Variants in HIVEP2 observed in about 807,000 individuals in gnomAD.
The protein encoded by HIVEP2 is HIVEP zinc finger 2.
In HIVEP2, 14 loss-of-function variants were observed where a neutral mutation model predicts 180.7. That is an observed-to-expected ratio of 0.08 (90% confidence interval 0.05 to 0.12). The LOEUF is 0.12. HIVEP2 is among the 10% of genes least tolerant of loss of function. HIVEP2 has a pLI of 1.00. For missense variants in HIVEP2, 2,579 were observed against 3,008.5 expected (o/e 0.86, Z 3.34); for synonymous variants, 1,184 against 1,136.4 (o/e 1.04, Z -0.84).
intron 9 of HIVEP2, among the ~76,000 whole-genome samples, chr6:142,758,671 T>C (rs572538954): frequency 1.0e-4 from 13 of 125,232 alleles, no homozygotes; most frequent in African/African-American, 3.3e-4. Flanking sequence ...CACAGTCTAC[T>C]GAGCCGTGGA....
At chr6:142,778,066 C>T (rs946378507) in intron 3 of HIVEP2, among the ~76,000 whole-genome samples, 3 of 152,138 alleles carry the variant, frequency 2.0e-5, no homozygotes, top group Non-Finnish European at 4.4e-5. Context: ...CTCAAAGATT[C>T]CTTCTGTTAA....
intron 1 of HIVEP2, among the ~76,000 whole-genome samples, chr6:142,863,996 G>A: frequency 6.6e-6 from 1 of 152,134 alleles, no homozygotes; most frequent in East Asian, 1.9e-4. Flanking sequence ...GTGTTAAGAG[G>A]ATATGTGTGT....
chr6:142,793,429 G>A (rs976827350), intron 2 of HIVEP2, among the ~76,000 whole-genome samples: 56 of 151,992 alleles, frequency 3.7e-4, no homozygotes, highest in African/African-American at 1.3e-3. Flanking sequence ...ATTTAACAAA[G>A]GAAATTGATG....
chr6:142,775,186 A>C, intron 4 of HIVEP2, 61 bp from the exon 5 acceptor site: 1 of 569,344 alleles, frequency 1.8e-6, no homozygotes, highest in Non-Finnish European at 2.2e-6. Flanking sequence ...AACCAAAAAA[A>C]AAAAAAACCT....
intron 1 of HIVEP2, among the ~76,000 whole-genome samples, chr6:142,944,062 C>A (rs1384384845): frequency 6.6e-6 from 1 of 152,204 alleles, no homozygotes; most frequent in South Asian, 2.1e-4. Flanking sequence ...CTAGTGCCTG[C>A]AGTCCTTTTT....
intron 1 of HIVEP2, among the ~76,000 whole-genome samples, chr6:142,864,373 A>T (rs1230257246): frequency 6.6e-6 from 1 of 152,152 alleles, no homozygotes; most frequent in Non-Finnish European, 1.5e-5. Flanking sequence ...GTGTTCCTCA[A>T]CATCACAGCT....
intron 1 of HIVEP2, among the ~76,000 whole-genome samples, chr6:142,843,367 A>G (rs1775421400): frequency 6.6e-6 from 1 of 152,232 alleles, no homozygotes; most frequent in African/African-American, 2.4e-5. Flanking sequence ...GAAAAAAAGT[A>G]TGTTTTAAAA....
intron 1 of HIVEP2, among the ~76,000 whole-genome samples, chr6:142,863,376 A>G (rs949697024): frequency 4.6e-5 from 7 of 151,988 alleles, no homozygotes; most frequent in Non-Finnish European, 8.8e-5. Flanking sequence ...ACACATTAAG[A>G]CTGTTTTTAT....
chr6:142,913,689 G>A (rs1290834085), intron 1 of HIVEP2, among the ~76,000 whole-genome samples: 1 of 152,212 alleles, frequency 6.6e-6, no homozygotes, highest in East Asian at 1.9e-4. Context: ...TCGACTGCAG[G>A]GGGTGCTGAA....
At chr6:142,799,259 T>C (rs1363483216) in intron 2 of HIVEP2, among the ~76,000 whole-genome samples, 1 of 152,188 alleles carries the variant, frequency 6.6e-6, no homozygotes, top group Non-Finnish European at 1.5e-5. Flanking sequence ...TTGGAGTTTG[T>C]TCTTGTATTA....
At position 142,770,374 on chromosome 6, in the gene HIVEP2, C is replaced by G; in HGVS notation, c.4365G>C (p.Lys1455Asn). 3 of 1,614,170 alleles carry G rather than the reference C, an allele frequency of 1.9e-6. No individual in the cohort carries two copies. The highest frequency in any genetic ancestry group is 1.7e-6 in the Non-Finnish European group (2 of 1,180,036). ...ASSLELFMETKQQKRVKEEKM... is the reference protein window; with the variant it reads ...ASSLELFMETNQQKRVKEEKM... The stretch of plus-strand genomic sequence containing the variant: ...TTTCTTCTTTGACCCTTTTCTGCTG[C>G]TTGGTTTCCATGAAGAGCTCCAAGC... The change falls in exon 5 of 10, where the codon AAG becomes AAC. Residue 1455 changes from lysine (K) to asparagine (N), a missense_variant. By Grantham distance (94) the Lys-to-Asn change is moderately conservative. Coordinates refer to ENST00000367603, the MANE Select transcript of HIVEP2 (RefSeq NM_006734.4). This position sits in a 1 kb window ranked among gnomAD's most constrained non-coding sequence, Gnocchi z 4.7.
intron 1 of HIVEP2, among the ~76,000 whole-genome samples, chr6:142,864,029 G>T (rs1776072250): frequency 6.6e-6 from 1 of 152,190 alleles, no homozygotes; most frequent in Non-Finnish European, 1.5e-5. Context: ...CTAATTAAAT[G>T]TGCATGATTT....
At chr6:142,842,439 A>C (rs1203111587) in intron 1 of HIVEP2, among the ~76,000 whole-genome samples, 1 of 152,170 alleles carries the variant, frequency 6.6e-6, no homozygotes, top group East Asian at 1.9e-4. Context: ...CTGTACTGAA[A>C]GGGAAGAGAA....
chr6:142,917,580 A>G (rs745870741), intron 1 of HIVEP2, among the ~76,000 whole-genome samples: 1 of 152,250 alleles, frequency 6.6e-6, no homozygotes, highest in Admixed American at 6.5e-5. Flanking sequence ...ATTTCATTAA[A>G]TAAGAATCTT....
intron 1 of HIVEP2, among the ~76,000 whole-genome samples, chr6:142,882,988 T>C (rs1776609776): frequency 6.6e-6 from 1 of 152,118 alleles, no homozygotes; most frequent in African/African-American, 2.4e-5. Context: ...TCTGATCATC[T>C]ATAAGTAATA....
chr6:142,831,084 C>G (rs1276468876), intron 2 of HIVEP2, among the ~76,000 whole-genome samples: 1 of 152,198 alleles, frequency 6.6e-6, no homozygotes, highest in Admixed American at 6.5e-5. Flanking sequence ...CCCTTGCGTG[C>G]CTGGGATCCA....
chr6:142,794,540 G>A (rs1020409766), intron 2 of HIVEP2, among the ~76,000 whole-genome samples: 1 of 152,046 alleles, frequency 6.6e-6, no homozygotes, highest in African/African-American at 2.4e-5. Flanking sequence ...AACTGGATAG[G>A]AGCACTAATT....
intron 1 of HIVEP2, among the ~76,000 whole-genome samples, chr6:142,854,476 A>G (rs1775767964): frequency 6.6e-6 from 1 of 152,214 alleles, no homozygotes; most frequent in Non-Finnish European, 1.5e-5. Context: ...GACTAATTGT[A>G]TTACTCAAAC....
chr6:142,837,254 T>A (rs1416181074), intron 1 of HIVEP2, among the ~76,000 whole-genome samples: 1 of 152,032 alleles, frequency 6.6e-6, no homozygotes, highest in Non-Finnish European at 1.5e-5. Flanking sequence ...TGTTCAAGCA[T>A]AGAGAAAACA....
Sources: allele counts gnomAD v4.1 joint callset (sites outside exome capture counted in the v4.1 genomes callset), GRCh38; gene constraint gnomAD v4.1.1; non-coding constraint Gnocchi (gnomAD v3.1); transcripts MANE v1.5; gene names NCBI Gene and HGNC (gene_info 2026-07-23, HGNC 2026-07-21).